GRIN2D: variants seen among roughly 807,000 people sequenced by gnomAD.
The protein encoded by GRIN2D is glutamate receptor ionotropic, NMDA 2D.
Under a neutral mutation model 103.2 loss-of-function variants are expected in GRIN2D, and 37 were observed. The observed-to-expected ratio is 0.36, with a 90% CI of 0.28 to 0.47. The LOEUF is 0.47. Among genes scored for constraint, GRIN2D ranks in the 20% least tolerant of loss-of-function variants. The pLI is 1.00. For missense variants in GRIN2D, 1,557 were observed against 1,910.6 expected, an observed-to-expected ratio of 0.81 and a Z score of 3.45; for synonymous variants, 845 against 885.6, an observed-to-expected ratio of 0.95 and a Z score of 0.81.
intron 4 of GRIN2D, among the ~76,000 whole-genome samples, chr19:48,412,036 A>C (rs1569062806): frequency 6.6e-6 from 1 of 151,872 alleles, no homozygotes; most frequent in Non-Finnish European, 1.5e-5. Context: ...CTACTTAAAA[A>C]AAAAAAGAGG....
intron 2 of GRIN2D, among the ~76,000 whole-genome samples, chr19:48,396,787 G>A (rs1375633228): frequency 2.0e-5 from 3 of 152,052 alleles, no homozygotes; most frequent in South Asian, 4.1e-4. Context: ...CGCCCTGGCT[G>A]TCTGTGGGGT....
At chr19:48,426,224 C>CTTTCTTTCTTTTTTTTTTTTTTTTTTT (rs1555893889) in intron 11 of GRIN2D, among the ~76,000 whole-genome samples, 6 of 120,082 alleles carry the variant, frequency 5.0e-5, no homozygotes, top group African/African-American at 1.8e-4. Flanking sequence ...TTCTTTCTTT[C>CTTTCTTTCTTTTTTTTTTTTTTTTTTT]TTTTTTTTTT....
chr19:48,419,247 C>T lies in GRIN2D; in HGVS notation c.1749C>T (p.Pro583=), dbSNP rs755146387. The stretch of plus-strand genomic sequence containing the variant: ...CCTTGTCCCCAGAGCCCTACAGCCC[C>T]GCCGTGTGGGTGATGATGTTCGTCA... The part of the protein sequence containing the change: ...SPSAFLEPYS[P]AVWVMMFVMC... The change falls in exon 9 of 14, where the codon CCC becomes CCT. Residue 583 remains proline, a synonymous_variant. Coordinates refer to ENST00000263269, the MANE Select transcript of GRIN2D (RefSeq NM_000836.4). The T allele has an allele frequency of 2.5e-6, 4 of 1,608,322 alleles. No individual in the cohort carries two copies. The highest frequency in any genetic ancestry group is 1.3e-5 in the African/African-American group (1 of 74,330).
chr19:48,421,976 T>C lies in GRIN2D; in HGVS notation c.2252+31T>C. On this transcript the variant is annotated intron_variant, in intron 11 of 13. Transcript: ENST00000263269. This position sits in a 1 kb window ranked among gnomAD's most constrained non-coding sequence, Gnocchi z 4.8. ...CGCAGACTCGGGCCGGGGGTGGGGG[T>C]TGGGCCGCTGGGGACCTGAGGATGC... is the stretch of plus-strand genomic sequence containing the variant. 6.2e-7 allele frequency: 1 copy of C among 1,603,554 alleles called. No individual in the cohort carries two copies. The highest frequency in any genetic ancestry group is 8.5e-7 in the Non-Finnish European group (1 of 1,172,550).
Position 48,444,229 on chromosome 19 carries a change from TG to T in GRIN2D, c.*298del. ...TAACGTCACCAGATGGGGCGGGAGG[TG>T]GGGGGTTCACGCCACTCCCGCGTCC... On this transcript the variant is annotated 3_prime_UTR_variant, in exon 14 of 14. Coordinates refer to ENST00000263269, the MANE Select transcript of GRIN2D (RefSeq NM_000836.4). This position sits in a 1 kb window ranked among gnomAD's most constrained non-coding sequence, Gnocchi z 5.5. The T allele has an allele frequency of 7.7e-6, 2 of 259,702 alleles. No homozygotes were observed. The highest frequency in any genetic ancestry group is 5.5e-5 in the Admixed American group (1 of 18,264). 16.1% of individuals were successfully genotyped at this position (259,702 alleles called of 1,614,324 possible). A position where few individuals can be genotyped will look rare whatever the true frequency, so the allele number is the denominator to read the frequency against.
Position 48,442,276 on chromosome 19 carries a change from T to C in GRIN2D, c.2567T>C (p.Met856Thr). The change falls in exon 13 of 14, where the codon ATG becomes ACG. Residue 856 changes from methionine to threonine, a missense_variant. By Grantham distance (81) the Met-to-Thr change is moderately conservative (BLOSUM62 -1). Coordinates refer to ENST00000263269, the MANE Select transcript of GRIN2D (RefSeq NM_000836.4). The surrounding 1 kb of genome is among the most constrained non-coding windows in gnomAD (Gnocchi z 7.2). ...GTCTTCTACATGCTCCTGGTGGCCA[T>C]GGGCCTGTCCCTGCTGGTCTTCGCC... ...AGVFYMLLVAMGLSLLVFAWE... is the reference protein window; with the variant it reads ...AGVFYMLLVATGLSLLVFAWE... The C allele has an allele frequency of 6.2e-7, 1 of 1,614,124 alleles. No homozygotes were observed. Among genetic ancestry groups the C allele is most frequent in the Non-Finnish European group, 8.5e-7 (1 of 1,180,006 alleles).
chr19:48,436,494 C>A (rs568966199), intron 11 of GRIN2D, among the ~76,000 whole-genome samples: 2 of 152,244 alleles, frequency 1.3e-5, no homozygotes, highest in African/African-American at 4.8e-5. Flanking sequence ...TGGCCCCTAA[C>A]CTTAATTTCT....
intron 2 of GRIN2D, among the ~76,000 whole-genome samples, chr19:48,396,201 G>A (rs568389486): frequency 6.6e-6 from 1 of 152,000 alleles, no homozygotes; most frequent in East Asian, 1.9e-4. Flanking sequence ...GGGTTGTCCA[G>A]AGGCTGGACT....
At chr19:48,426,008 A>G (rs1003147072) in intron 11 of GRIN2D, among the ~76,000 whole-genome samples, 4 of 152,132 alleles carry the variant, frequency 2.6e-5, no homozygotes, top group African/African-American at 9.7e-5. Flanking sequence ...AGAATCAAAC[A>G]GTGCATATAA....
Position 48,442,011 on chromosome 19 carries a change from G to C in GRIN2D, c.2440+55G>C. On this transcript the variant is annotated intron_variant, in intron 12 of 13. Transcript: ENST00000263269. The surrounding 1 kb of genome is among the most constrained non-coding windows in gnomAD (Gnocchi z 7.2). Reference sequence around the variant, plus strand: ...GGAGAGGGGGAGGGCGAGGCCCCTGGGTTCCGGGGAAGAAAGGGACAAAGA... The same window carrying C: ...GGAGAGGGGGAGGGCGAGGCCCCTGCGTTCCGGGGAAGAAAGGGACAAAGA... 1 of 1,543,528 alleles carries C rather than the reference G, an allele frequency of 6.5e-7. No individual in the cohort carries two copies. The highest frequency in any genetic ancestry group is 2.1e-4 in the Middle Eastern group (1 of 4,786).
Position 48,419,518 on chromosome 19 carries a change from T to C in GRIN2D, c.1862-67T>C, listed in dbSNP as rs1302029601. The C allele has an allele frequency of 3.7e-5, 47 of 1,274,016 alleles. No homozygotes were observed. The African/African-American group carries it at 5.9e-4, about 16-fold the overall frequency. 78.9% of individuals were successfully genotyped at this position (1,274,016 alleles called of 1,614,324 possible). A position where few individuals can be genotyped will look rare whatever the true frequency, so the allele number is the denominator to read the frequency against. Reference sequence around the variant, plus strand: ...CCACTGGGAATTGTAGTTCTTTCTTTTTTTTTTTTTCCCTTCCTTATTGAG... The same window carrying C: ...CCACTGGGAATTGTAGTTCTTTCTTCTTTTTTTTTTCCCTTCCTTATTGAG... On this transcript the variant is annotated intron_variant, in intron 9 of 13. Transcript: ENST00000263269.
At position 48,428,770 on chromosome 19, in the gene GRIN2D, C is replaced by T. The variant is rs191992358; in HGVS notation, c.2252+6825C>T. 3.6e-4 allele frequency among the ~76,000 whole-genome samples: 55 copies of T among 152,208 alleles called. 2 individuals are homozygous for T. The East Asian group carries it at 6.0e-3, about 17-fold the overall frequency. On this transcript the variant is annotated intron_variant, in intron 11 of 13. Coordinates refer to ENST00000263269, the MANE Select transcript of GRIN2D (RefSeq NM_000836.4). ...CAGAGGCCCTATATACAAATAAGGT[C>T]GCATTCTGAAGTACTAGGGGCTAGG...
Position 48,394,531 on chromosome 19 carries a change from G to A in GRIN2D, c.-305-127G>A, listed in dbSNP as rs1970610939. Among the ~76,000 whole-genome samples, 1 of 149,972 alleles carries A rather than the reference G, an allele frequency of 6.7e-6. No homozygotes were observed. Among genetic ancestry groups the A allele is most frequent in the Non-Finnish European group, 1.5e-5 (1 of 67,228 alleles). On this transcript the variant is annotated intron_variant, in intron 1 of 13. Transcript: ENST00000263269. The surrounding 1 kb of genome is among the most constrained non-coding windows in gnomAD (Gnocchi z 5.1). The stretch of plus-strand genomic sequence containing the variant: ...AGGCGGGACTGGACACATGGAAAGG[G>A]GGGAGGAGCCGGGGCTGAAGCGGCA...
intron 11 of GRIN2D, among the ~76,000 whole-genome samples, chr19:48,440,284 C>G (rs958049957): frequency 6.6e-6 from 1 of 152,108 alleles, no homozygotes; most frequent in African/African-American, 2.4e-5. Flanking sequence ...GTGTCTGGGT[C>G]TGTGTTTTCC....
chr19:48,431,445 T>C (rs1971153906), intron 11 of GRIN2D, among the ~76,000 whole-genome samples: 1 of 152,210 alleles, frequency 6.6e-6, no homozygotes, highest in Non-Finnish European at 1.5e-5. Context: ...AGAGTCACTC[T>C]ATTGTTTTCT....
intron 4 of GRIN2D, among the ~76,000 whole-genome samples, chr19:48,412,200 G>T (rs1256903481): frequency 1.3e-5 from 2 of 151,674 alleles, no homozygotes; most frequent in Non-Finnish European, 2.9e-5. Context: ...GTGGTGGCAG[G>T]TGCCTGTAGT....
chr19:48,421,923 G>A lies in GRIN2D; in HGVS notation c.2230G>A (p.Ala744Thr), dbSNP rs1325936338. 6.2e-7 allele frequency: 1 copy of A among 1,613,998 alleles called. No homozygotes were observed. Among genetic ancestry groups the A allele is most frequent in the East Asian group, 2.2e-5 (1 of 44,890 alleles). Residue 744 changes from alanine to threonine, a missense_variant, in exon 11 of 14, where the codon GCG (alanine) becomes ACG (threonine). Ala to Thr is a moderately conservative substitution (Grantham distance 58). Around this residue, in one of 7 missense-constraint regions of GRIN2D, gnomAD observed 138 missense variants for 270.2 expected, o/e 0.51. Transcript: ENST00000263269. This position sits in a 1 kb window ranked among gnomAD's most constrained non-coding sequence, Gnocchi z 4.8. ...CTACAACCAGCCCCGCGTAGAGGAA[G>A]CGCTCACTCAGCTCAAGGCAGGGTC... The part of the protein sequence containing the change: ...VRYNQPRVEE[A>T]LTQLKAGKLD...
rs762817994 is a variant in GRIN2D at position 48,419,832 on chromosome 19, G to T, written c.2091+18G>T. 6.3e-7 allele frequency: 1 copy of T among 1,581,370 alleles called. No individual in the cohort carries two copies. The highest frequency in any genetic ancestry group is 8.7e-7 in the Non-Finnish European group (1 of 1,152,322). ...ACCGCAAGGTGTGTGTGGGCCCAGG[G>T]CTGGGCTGGAGCTGGGGCTGGGGCT... On this transcript the variant is annotated intron_variant, in intron 10 of 13. Transcript: ENST00000263269.
chr19:48,405,173 C>T lies in GRIN2D; in HGVS notation c.905C>T (p.Ala302Val). Residue 302 changes from alanine to valine, a missense_variant, in exon 4 of 14, where the codon GCC becomes GTC. Ala to Val is a moderately conservative substitution (Grantham distance 64). This residue lies in a region of GRIN2D where 490 missense variants were observed against 601.1 expected (regional missense o/e 0.82). Transcript: ENST00000263269. This position sits in a 1 kb window ranked among gnomAD's most constrained non-coding sequence, Gnocchi z 5.1. ...CTGCCAGGAGGCGCCCCCCTGCCTG[C>T]CGGGCTGTTTGCAGTGCGCTCGGCT... ...PLLPGGAPLP[A>V]GLFAVRSAGW... 6.3e-7 allele frequency: 1 copy of T among 1,592,800 alleles called. No individual in the cohort carries two copies. Among genetic ancestry groups the T allele is most frequent in the Non-Finnish European group, 8.5e-7 (1 of 1,171,962 alleles).
Sources: allele counts gnomAD v4.1 joint callset (sites outside exome capture counted in the v4.1 genomes callset), GRCh38; gene constraint gnomAD v4.1.1; regional missense constraint gnomAD v4.1.1; non-coding constraint Gnocchi (gnomAD v3.1); transcripts MANE v1.5; gene names NCBI Gene and HGNC (gene_info 2026-07-23, HGNC 2026-07-21).